The following G3BP2 variants were observed in gnomAD, a reference collection of about 807,000 sequenced individuals.
G3BP2 encodes the protein ras GTPase-activating protein-binding protein 2.
Under a neutral mutation model 56.7 loss-of-function variants are expected in G3BP2, and 11 were observed. The observed-to-expected ratio is 0.19, with a 90% CI of 0.12 to 0.32. The LOEUF is 0.32. Among genes scored for constraint, G3BP2 ranks in the 10% least tolerant of loss-of-function variants. The probability of loss-of-function intolerance (pLI) is 1.00; values close to 1 mark genes in which losing one functional copy is unlikely to be tolerated. For missense variants in G3BP2, 340 were observed against 610.9 expected, an observed-to-expected ratio of 0.56 and a Z score of 4.67; for synonymous variants, 165 against 191.6, an observed-to-expected ratio of 0.86 and a Z score of 1.15.
At chr4:75,712,273 A>AGCTGGGATCATTAAAAGTTCC (rs1258428575) in intron 3 of G3BP2, among the ~76,000 whole-genome samples, 1 of 152,072 alleles carries the variant, frequency 6.6e-6, no homozygotes, top group African/African-American at 2.4e-5. Flanking sequence ...CTGTGTAAAT[A>AGCTGGGATCATTAAAAGTTCC]TTTTAAACTT....
intron 1 of G3BP2, among the ~76,000 whole-genome samples, chr4:75,664,238 A>G (rs190704630): frequency 7.2e-5 from 11 of 152,186 alleles, no homozygotes; most frequent in African/African-American, 2.6e-4. Flanking sequence ...AAAAAAAATC[A>G]TAATTCCTAA....
At chr4:75,659,190 T>C (rs1163518608) in intron 2 of G3BP2, among the ~76,000 whole-genome samples, 2 of 152,242 alleles carry the variant, frequency 1.3e-5, no homozygotes, top group African/African-American at 2.4e-5. Flanking sequence ...TAGACAATCA[T>C]TAGATATTCA....
At chr4:75,661,343 G>C (rs779091495) in intron 2 of G3BP2, among the ~76,000 whole-genome samples, 4 of 152,120 alleles carry the variant, frequency 2.6e-5, no homozygotes, top group African/African-American at 9.7e-5. Flanking sequence ...GGCCAGGCTG[G>C]TCTCAAACTC....
chr4:75,685,188 T>TAA (rs111636779), intron 3 of G3BP2, among the ~76,000 whole-genome samples: 20 of 145,042 alleles, frequency 1.4e-4, no homozygotes, highest in East Asian at 8.0e-4. Context: ...AAAAGTTTAT[T>TAA]AAAAAAAAAA....
intron 3 of G3BP2, among the ~76,000 whole-genome samples, chr4:75,688,032 C>T (rs1355125437): frequency 1.3e-5 from 2 of 152,190 alleles, no homozygotes; most frequent in African/African-American, 4.8e-5. Flanking sequence ...CTGTGCTGCC[C>T]ATGGTCACTG....
intron 3 of G3BP2, among the ~76,000 whole-genome samples, chr4:75,688,428 G>C (rs917662460): frequency 1.3e-5 from 2 of 152,152 alleles, no homozygotes; most frequent in Non-Finnish European, 2.9e-5. Flanking sequence ...TTTGTTTGTT[G>C]TGTGTATTTT....
intron 3 of G3BP2, among the ~76,000 whole-genome samples, chr4:75,707,330 A>G (rs891613486): frequency 1.3e-5 from 2 of 152,084 alleles, no homozygotes; most frequent in African/African-American, 4.8e-5. Flanking sequence ...TACAACACTT[A>G]AGACAATTAT....
At chr4:75,680,082 G>C (rs1379947069) in intron 3 of G3BP2, among the ~76,000 whole-genome samples, 2 of 152,188 alleles carry the variant, frequency 1.3e-5, no homozygotes, top group African/African-American at 4.8e-5. Context: ...GTCTGGATAT[G>C]AGACGCCACA....
At chr4:75,650,803 A>G (rs979318519) in intron 8 of G3BP2, among the ~76,000 whole-genome samples, 3 of 152,042 alleles carry the variant, frequency 2.0e-5, no homozygotes, top group Admixed American at 6.6e-5. Flanking sequence ...CCTAGGCTCA[A>G]GTGATCCTCC....
upstream of G3BP2, among the ~76,000 whole-genome samples, chr4:75,674,616 T>C (rs932024813): frequency 2.0e-5 from 3 of 150,764 alleles, no homozygotes; most frequent in Non-Finnish European, 4.4e-5. Flanking sequence ...ATACTGGGCT[T>C]ATATACCAGG....
Position 75,654,410 on chromosome 4 carries a change from CT to C in G3BP2, c.727-330del, listed in dbSNP as rs567234623. Among the ~76,000 whole-genome samples, 111 of 152,286 alleles carry C rather than the reference CT, an allele frequency of 7.3e-4. 1 individual carries two copies. Among genetic ancestry groups the C allele is most frequent in the African/African-American group, 2.6e-3 (107 of 41,564 alleles). ...ACCTAATAGAAACAATTTATTTCCC[CT>C]TTGGGGGTAAGATAGGGTGTGTGAT... On this transcript the variant is annotated intron_variant, in intron 7 of 11. Transcript: ENST00000359707.
At position 75,655,758 on chromosome 4, in the gene G3BP2, G is replaced by A. The variant is rs375178698; in HGVS notation, c.545+10C>T. On this transcript the variant is annotated intron_variant, in intron 6 of 11. Transcript: ENST00000359707. ...CAGACCAAATTTAACCTTGCAAATA[G>A]TATGCTTACGTCACAGGGTGAGCTT... 4.9e-6 allele frequency: 7 copies of A among 1,414,620 alleles called. No individual in the cohort carries two copies. Among genetic ancestry groups the A allele is most frequent in the Admixed American group, 3.4e-5 (2 of 59,168 alleles). The allele number at this position is 1,414,620 out of a possible 1,614,324, so 87.6% of individuals were successfully genotyped here.
chr4:75,655,721 G>T, intron 6 of G3BP2, 47 bp downstream of exon 6: 2 of 943,786 alleles, frequency 2.1e-6, no homozygotes, highest in Non-Finnish European at 3.4e-6. Context: ...AAACCACCTT[G>T]CTGACATAGT....
intron 3 of G3BP2, among the ~76,000 whole-genome samples, chr4:75,691,149 T>C (rs1718840020): frequency 6.6e-6 from 1 of 151,918 alleles, no homozygotes; most frequent in South Asian, 2.1e-4. Flanking sequence ...GCACAATCTC[T>C]GCTCACTTCA....
At chr4:75,660,550 T>A (rs1295383213) in intron 2 of G3BP2, among the ~76,000 whole-genome samples, 2 of 152,096 alleles carry the variant, frequency 1.3e-5, no homozygotes, top group Non-Finnish European at 2.9e-5. Context: ...AAGACTGTCA[T>A]AAGGAATACA....
intron 3 of G3BP2, chr4:75,694,712 T>C (rs1719031002): frequency 2.1e-6 from 2 of 965,462 alleles, no homozygotes; most frequent in Non-Finnish European, 2.5e-6. Context: ...CACTCCAGCC[T>C]GGGCAACAAG....
At chr4:75,673,753 C>T (rs901725636), upstream of G3BP2, 1 of 490,176 alleles carries the variant, frequency 2.0e-6, no homozygotes, top group African/African-American at 2.0e-5. Context: ...CTTTTGTAGA[C>T]TGATATTCTG....
At chr4:75,717,546 A>T (rs969049212) in intron 3 of G3BP2, among the ~76,000 whole-genome samples, 5 of 152,212 alleles carry the variant, frequency 3.3e-5, no homozygotes, top group Non-Finnish European at 7.3e-5. Context: ...GACAGAGATC[A>T]GCTGCCAACT....
chr4:75,695,391 T>C (rs557218532), intron 3 of G3BP2, among the ~76,000 whole-genome samples: 1 of 152,258 alleles, frequency 6.6e-6, no homozygotes, highest in African/African-American at 2.4e-5. Flanking sequence ...AGGTGACAGG[T>C]ACAGGTGTCT....
Sources: gnomAD v4.1 joint callset for allele counts (sites outside exome capture counted in the v4.1 genomes callset) on GRCh38, gnomAD v4.1.1 for gene constraint, MANE v1.5 for transcripts, NCBI Gene and HGNC (gene_info 2026-07-23, HGNC 2026-07-21) for gene names.